Variants in TIPARP observed in about 807,000 individuals in gnomAD.
The protein encoded by TIPARP is TCDD inducible poly(ADP-ribose) polymerase.
Under a neutral mutation model 56.5 loss-of-function variants are expected in TIPARP, and 12 were observed. That is an observed-to-expected ratio of 0.21 (90% CI 0.14 to 0.34). The LOEUF (loss-of-function observed/expected upper bound fraction) is 0.34, where lower values mean the gene tolerates loss of function less well. TIPARP is among the 10% of genes least tolerant of loss of function. TIPARP has a pLI of 1.00. For synonymous variants in TIPARP, 296 were observed against 265.7 expected, an observed-to-expected ratio of 1.11 and a Z score of -1.11; for missense variants, 604 against 781.6, an observed-to-expected ratio of 0.77 and a Z score of 2.71.
chr3:156,704,336 A>G (rs967906093), intron 5 of TIPARP, among the ~76,000 whole-genome samples: 1 of 152,174 alleles, frequency 6.6e-6, no homozygotes, highest in Admixed American at 6.5e-5. Flanking sequence ...TCAACAAACT[A>G]ATGAAGGACA....
At chr3:156,678,954 C>CAT (rs1310667379) in intron 2 of TIPARP, among the ~76,000 whole-genome samples, 7 of 152,186 alleles carry the variant, frequency 4.6e-5, no homozygotes, top group Non-Finnish European at 8.8e-5. Flanking sequence ...CTTACTATAA[C>CAT]ATAAATAATG....
At chr3:156,676,457 CACAA>C (rs1166266975) in intron 1 of TIPARP, among the ~76,000 whole-genome samples, 1 of 152,092 alleles carries the variant, frequency 6.6e-6, no homozygotes, top group African/African-American at 2.4e-5. Context: ...GTTGTTGACC[CACAA>C]ACAACAAAGA....
Position 156,703,625 on chromosome 3 carries a change from G to A in TIPARP, c.1449G>A (p.Lys483=). The A allele has an allele frequency of 6.2e-7, 1 of 1,614,146 alleles. No individual in the cohort carries two copies. Among genetic ancestry groups the A allele is most frequent in the Admixed American group, 1.7e-5 (1 of 60,024 alleles). ...SYRIIYNLFH[K]TVPEFKYRIL... ...GGATCATTTACAATCTTTTTCATAA[G>A]ACTGTGCCTGAGTTTAAATACAGAA... is the stretch of plus-strand genomic sequence containing the variant. Residue 483 remains lysine (K), a synonymous_variant, in exon 5 of 6, where the codon AAG becomes AAA. Transcript: ENST00000295924.
At chr3:156,680,255 T>G (rs1443468317) in intron 2 of TIPARP, among the ~76,000 whole-genome samples, 2 of 152,228 alleles carry the variant, frequency 1.3e-5, no homozygotes, top group African/African-American at 4.8e-5. Context: ...TCCACCTTGC[T>G]TCAGTAGTGA....
At position 156,681,062 on chromosome 3, in the gene TIPARP, G is replaced by A; in HGVS notation, c.917+2448G>A. 3 of 444,964 alleles carry A rather than the reference G, an allele frequency of 6.7e-6. No individual in the cohort carries two copies. In the East Asian group the frequency reaches 2.1e-4, roughly 31 times the overall value. 27.6% of individuals were successfully genotyped at this position (444,964 alleles called of 1,614,324 possible). ...TCAAAAATTAGGCTTTTGGGAAGTT[G>A]ACTTGTGGTCATTGCAACCTGGTTT... On this transcript the variant is annotated intron_variant, in intron 2 of 5. Transcript: ENST00000295924.
At chr3:156,690,595 A>AT (rs1722548117) in intron 2 of TIPARP, among the ~76,000 whole-genome samples, 1 of 152,188 alleles carries the variant, frequency 6.6e-6, no homozygotes, top group African/African-American at 2.4e-5. Flanking sequence ...AATTGTTAAT[A>AT]TTTCAGCGGT....
At chr3:156,676,356 T>C (rs1198867694) in intron 1 of TIPARP, among the ~76,000 whole-genome samples, 1 of 152,270 alleles carries the variant, frequency 6.6e-6, no homozygotes, top group Non-Finnish European at 1.5e-5. Context: ...ATTTTACTTT[T>C]CTGAATTTGA....
Position 156,678,257 on chromosome 3 carries a change from G to T in TIPARP, c.560G>T (p.Gly187Val). The T allele has an allele frequency of 1.2e-6, 2 of 1,614,112 alleles. No individual in the cohort carries two copies. The highest frequency in any genetic ancestry group is 1.7e-6 in the Non-Finnish European group (2 of 1,180,036). The change falls in exon 2 of 6, where the codon GGC becomes GTC. Residue 187 changes from glycine to valine, a missense_variant. Gly to Val is a moderately radical substitution (Grantham distance 109). This residue lies in a region of TIPARP where 261 missense variants were observed against 279.2 expected (regional missense o/e 0.93). Transcript: ENST00000295924. ...GACAAAGTCATAGATTATGTTCCAG[G>T]CATTTTCCAAGAAAACAGTTTTACA... ...CLDKVIDYVP[G>V]IFQENSFTIQ...
intron 5 of TIPARP, 66 bp downstream of exon 5, chr3:156,703,768 CT>C (rs1722909238): frequency 6.6e-7 from 1 of 1,508,622 alleles, no homozygotes; most frequent in African/African-American, 1.4e-5. Flanking sequence ...AATCCCAGCA[CT>C]TTGGGAGGCC....
chr3:156,675,340 TTCGCGGC>T (rs1401147249), intron 1 of TIPARP: 2 of 152,460 alleles, frequency 1.3e-5, no homozygotes, highest in Non-Finnish European at 2.9e-5. Flanking sequence ...TCCCCCGCGC[TTCGCGGC>T]TCAGTTCTGC....
chr3:156,702,570 GT>G (rs1366016607), intron 4 of TIPARP, among the ~76,000 whole-genome samples: 1 of 152,142 alleles, frequency 6.6e-6, no homozygotes, highest in Admixed American at 6.5e-5. Context: ...GTGCCAATGA[GT>G]GTTATAGCAC....
Position 156,705,194 on chromosome 3 carries a change from A to T in TIPARP, c.*63A>T. ...AATCCAGCATTTGTAGCAGGTTTTG[A>T]ATGGGTGGGACTGGGTGGGGAACAG... On this transcript the variant is annotated 3_prime_UTR_variant, in exon 6 of 6. Coordinates refer to ENST00000295924, the MANE Select transcript of TIPARP (RefSeq NM_015508.5). 7.2e-6 allele frequency: 6 copies of T among 830,614 alleles called. No individual in the cohort carries two copies. The highest frequency in any genetic ancestry group is 2.5e-5 in the Admixed American group (1 of 40,208). The allele number at this position is 830,614 out of a possible 1,614,324, so 51.5% of individuals were successfully genotyped here.
intron 4 of TIPARP, among the ~76,000 whole-genome samples, chr3:156,700,080 TA>T (rs1241117577): frequency 2.0e-5 from 3 of 151,862 alleles, no homozygotes; most frequent in Non-Finnish European, 2.9e-5. Flanking sequence ...AAAACTTTTT[TA>T]TTTTTTTATT....
At chr3:156,677,343 C>G (rs1010501688) in intron 1 of TIPARP, among the ~76,000 whole-genome samples, 6 of 152,116 alleles carry the variant, frequency 3.9e-5, no homozygotes, top group Non-Finnish European at 5.9e-5. Context: ...ATTTCCCACC[C>G]CACTCTAACC....
chr3:156,691,528 C>A (rs1056059186), intron 2 of TIPARP, among the ~76,000 whole-genome samples: 1 of 152,076 alleles, frequency 6.6e-6, no homozygotes, highest in African/African-American at 2.4e-5. Context: ...CCCACCATCA[C>A]GATTATCATA....
intron 1 of TIPARP, chr3:156,676,650 GATTA>G (rs1722136855): frequency 6.6e-6 from 1 of 152,042 alleles, no homozygotes; most frequent in Non-Finnish European, 1.5e-5. Context: ...GAGAGAAGAG[GATTA>G]ATTGCTCATC....
intron 2 of TIPARP, among the ~76,000 whole-genome samples, chr3:156,680,880 GTAT>G (rs992598289): frequency 3.9e-5 from 6 of 152,172 alleles, no homozygotes; most frequent in Non-Finnish European, 7.4e-5. Context: ...TGTGAGTGAA[GTAT>G]TATAATTACC....
chr3:156,690,839 T>C (rs1722554833), intron 2 of TIPARP, among the ~76,000 whole-genome samples: 1 of 152,142 alleles, frequency 6.6e-6, no homozygotes, highest in Non-Finnish European at 1.5e-5. Flanking sequence ...TCCACAAGGA[T>C]TATTGCACCT....
intron 5 of TIPARP, 131 bp from the exon 6 acceptor site, chr3:156,704,553 G>C (rs1257551046): frequency 2.3e-6 from 2 of 880,128 alleles, no homozygotes; most frequent in Admixed American, 5.7e-5. Flanking sequence ...ACTTTTAATA[G>C]GATCTTTGAT....
Sources: allele counts gnomAD v4.1 joint callset (sites outside exome capture counted in the v4.1 genomes callset), GRCh38; gene constraint gnomAD v4.1.1; regional missense constraint gnomAD v4.1.1; transcripts MANE v1.5; gene names NCBI Gene and HGNC (gene_info 2026-07-23, HGNC 2026-07-21).